PGD: variants seen among roughly 807,000 people sequenced by gnomAD.
The protein encoded by PGD is phosphogluconate dehydrogenase.
In PGD, 21 loss-of-function variants were observed where a neutral mutation model predicts 60.4. The ratio of observed to expected loss-of-function variants is 0.35; its 90% CI spans 0.25 to 0.50. The LOEUF is 0.50. PGD is among the 20% of genes least tolerant of loss of function. PGD has a pLI of 0.98. For synonymous variants in PGD, 230 were observed against 235.9 expected (o/e 0.97, Z 0.23); for missense variants, 477 against 613.1 (o/e 0.78, Z 2.34).
chr1:10,409,444 C>G (rs1468439837), intron 6 of PGD, among the ~76,000 whole-genome samples: 1 of 152,036 alleles, frequency 6.6e-6, no homozygotes, highest in Non-Finnish European at 1.5e-5. Context: ...TGTTCCCTGA[C>G]AGTAGATTAC....
At chr1:10,411,997 T>G (rs1639508786) in intron 7 of PGD, among the ~76,000 whole-genome samples, 1 of 152,198 alleles carries the variant, frequency 6.6e-6, no homozygotes, top group Non-Finnish European at 1.5e-5. Flanking sequence ...CACAGAAGTT[T>G]GAGAGTTTTA....
Position 10,400,442 on chromosome 1 carries a change from A to T in PGD, c.134A>T (p.Asn45Ile). 3 of 1,613,952 alleles carry T rather than the reference A, an allele frequency of 1.9e-6. No homozygotes were observed. Among genetic ancestry groups the T allele is most frequent in the Non-Finnish European group, 2.5e-6 (3 of 1,179,894 alleles). Reference protein sequence around the residue: ...TVSKVDDFLANEAKGTKVVGA... With the variant: ...TVSKVDDFLAIEAKGTKVVGA... The stretch of plus-strand genomic sequence containing the variant: ...TCCAAAGTTGATGATTTCTTGGCCA[A>T]TGAGGCAAAGGGAACCAAAGTGGTG... The change falls in exon 3 of 13, where the codon AAT (asparagine) becomes ATT (isoleucine). Residue 45 changes from asparagine to isoleucine, a missense_variant. Asn to Ile is a moderately radical substitution (Grantham distance 149, BLOSUM62 -3). Transcript: ENST00000270776.
rs559083707 is a variant in PGD at position 10,408,025 on chromosome 1, A to T, written c.450-46A>T. 70 of 1,122,552 alleles carry T rather than the reference A, an allele frequency of 6.2e-5. No individual in the cohort carries two copies. The South Asian group carries it at 8.6e-4, about 14-fold the overall frequency. 69.5% of individuals were successfully genotyped at this position (1,122,552 alleles called of 1,614,324 possible). Reference sequence around the variant, plus strand: ...TTGGTGTCTATGGGTATGGGCTCTCAGCCCGTCTCTTCTCATTAACTGAAC... The same window carrying T: ...TTGGTGTCTATGGGTATGGGCTCTCTGCCCGTCTCTTCTCATTAACTGAAC... On this transcript the variant is annotated intron_variant, in intron 5 of 12. Coordinates refer to ENST00000270776, the MANE Select transcript of PGD (RefSeq NM_002631.4).
At chr1:10,406,500 A>G (rs1407618453) in intron 5 of PGD, among the ~76,000 whole-genome samples, 1 of 152,224 alleles carries the variant, frequency 6.6e-6, no homozygotes, top group African/African-American at 2.4e-5. Flanking sequence ...GGAGTGCTCC[A>G]GTTGTTTCCA....
intron 3 of PGD, among the ~76,000 whole-genome samples, chr1:10,402,778 C>T (rs780296738): frequency 2.6e-5 from 4 of 151,974 alleles, no homozygotes; most frequent in Non-Finnish European, 5.9e-5. Flanking sequence ...CCACCTCGGC[C>T]TCCCAAAGTG....
At chr1:10,399,944 T>TA (rs1332032741) in intron 2 of PGD, 12 of 580,942 alleles carry the variant, frequency 2.1e-5, no homozygotes, top group Non-Finnish European at 3.4e-5. Context: ...ATGAACGAAT[T>TA]AGTGTCTTAA....
At chr1:10,418,505 G>A (rs546833551) in intron 10 of PGD, among the ~76,000 whole-genome samples, 29 of 152,154 alleles carry the variant, frequency 1.9e-4, no homozygotes, top group Admixed American at 5.2e-4. Flanking sequence ...GGCCGGGCGC[G>A]GTGGCTCACA....
At position 10,399,104 on chromosome 1, in the gene PGD, C is replaced by G. The variant is rs760703119; in HGVS notation, c.-14C>G. On this transcript the variant is annotated 5_prime_UTR_variant, in exon 1 of 13. Transcript: ENST00000270776. ...CGCGCGTCGCCGCTCTTCGGTTCTG[C>G]TCTGTCCGCCGCCATGGCCCAGTGA... 5 of 1,609,724 alleles carry G rather than the reference C, an allele frequency of 3.1e-6. No individual in the cohort carries two copies. In the South Asian group the frequency reaches 3.3e-5, roughly 11 times the overall value.
At chr1:10,410,771 C>A (rs1482173908) in intron 6 of PGD, among the ~76,000 whole-genome samples, 1 of 152,098 alleles carries the variant, frequency 6.6e-6, no homozygotes, top group Non-Finnish European at 1.5e-5. Context: ...TTAAGGTTTT[C>A]ATCCTACATT....
chr1:10,405,096 C>T (rs557575952), intron 5 of PGD, among the ~76,000 whole-genome samples: 16 of 152,118 alleles, frequency 1.1e-4, no homozygotes, highest in East Asian at 3.9e-4. Flanking sequence ...ATAAATTGGC[C>T]GGGCGTGGTG....
At position 10,408,130 on chromosome 1, in the gene PGD, G is replaced by A; in HGVS notation, c.509G>A (p.Cys170Tyr). ...GCAAAAGTGGGAACTGGAGAACCCT[G>A]CTGTGACTGGGCAAGTTCTGGGCTA... ...IAAKVGTGEP[C>Y]CDWVGDEGAG... Residue 170 changes from cysteine (C) to tyrosine (Y), a missense_variant, in exon 6 of 13, where the codon TGC becomes TAC. Around this residue, in one of 3 missense-constraint regions of PGD, gnomAD observed 431 missense variants for 556.6 expected, o/e 0.77. Transcript: ENST00000270776. 1 of 1,590,360 alleles carries A rather than the reference G, an allele frequency of 6.3e-7. No homozygotes were observed. The highest frequency in any genetic ancestry group is 8.6e-7 in the Non-Finnish European group (1 of 1,158,192).
At chr1:10,409,648 A>ATTTT (rs1220484164) in intron 6 of PGD, among the ~76,000 whole-genome samples, 1 of 90,548 alleles carries the variant, frequency 1.1e-5, no homozygotes, top group African/African-American at 4.6e-5. Context: ...AGTGGTAGCA[A>ATTTT]CTTTTTTTTT....
At chr1:10,416,561 T>C (rs3206335) in intron 8 of PGD, among the ~76,000 whole-genome samples, 1 of 152,204 alleles carries the variant, frequency 6.6e-6, no homozygotes, top group African/African-American at 2.4e-5. Flanking sequence ...AAACAGGCTT[T>C]GTGTGAGCAA....
intron 5 of PGD, among the ~76,000 whole-genome samples, chr1:10,405,182 G>C (rs1639379747): frequency 6.6e-6 from 1 of 151,660 alleles, no homozygotes; most frequent in Non-Finnish European, 1.5e-5. Flanking sequence ...AGACGATCCT[G>C]GCCAACATGG....
chr1:10,404,320 G>A (rs1446469017), intron 5 of PGD, 41 bp downstream of exon 5: 1 of 1,289,230 alleles, frequency 7.8e-7, no homozygotes, highest in Non-Finnish European at 1.1e-6. Flanking sequence ...GTACAAGGGA[G>A]CTGGACTTTG....
chr1:10,411,613 A>G lies in PGD; in HGVS notation c.654+61A>G, dbSNP rs1639502514. On this transcript the variant is annotated intron_variant, in intron 7 of 12. Transcript: ENST00000270776. ...AGGGAGTGCTCACTTTGCCACAGAC[A>G]CCGAATCTTTTCTTCATTCCTATCC... is the stretch of plus-strand genomic sequence containing the variant. The G allele has an allele frequency of 2.5e-6, 4 of 1,600,068 alleles. No individual in the cohort carries two copies. The South Asian group carries it at 3.3e-5, about 13-fold the overall frequency.
chr1:10,404,277 G>A lies in PGD; in HGVS notation c.447G>A (p.Ala149=), dbSNP rs771570881. 63 of 1,593,430 alleles carry A rather than the reference G, an allele frequency of 4.0e-5. No homozygotes were observed. The highest frequency in any genetic ancestry group is 5.1e-5 in the Admixed American group (3 of 58,806). ...TCATGCCAGGAGGGAACAAAGAAGC[G>A]TGGTGAGTGCCATCAGCACTGTGCC... The part of the protein sequence containing the change: ...PSLMPGGNKE[A]WPHIKTIFQG... The change falls in exon 5 of 13, where the codon GCG becomes GCA. Residue 149 remains alanine, a splice_region_variant and synonymous_variant. Coordinates refer to ENST00000270776, the MANE Select transcript of PGD (RefSeq NM_002631.4).
At chr1:10,399,524 A>C in intron 1 of PGD, 105 bp from the exon 2 acceptor site, 1 of 1,014,108 alleles carries the variant, frequency 9.9e-7, no homozygotes, top group Non-Finnish European at 1.5e-6. Flanking sequence ...CGCGGAGGAA[A>C]GTGCAGACTC....
chr1:10,413,672 G>A (rs866222386), intron 8 of PGD, among the ~76,000 whole-genome samples: 4 of 152,150 alleles, frequency 2.6e-5, no homozygotes, highest in Non-Finnish European at 4.4e-5. Flanking sequence ...TTGGGAGGCC[G>A]AGGCGGGTGG....
Sources: gnomAD v4.1 joint callset for allele counts (sites outside exome capture counted in the v4.1 genomes callset) on GRCh38, gnomAD v4.1.1 for gene constraint, gnomAD v4.1.1 regional missense constraint, MANE v1.5 for transcripts, NCBI Gene and HGNC (gene_info 2026-07-23, HGNC 2026-07-21) for gene names.